Variants in SHMT2 observed in about 807,000 individuals in gnomAD.
SHMT2 encodes serine hydroxymethyltransferase, mitochondrial.
Under a neutral mutation model 59.6 loss-of-function variants are expected in SHMT2, and 38 were observed. The ratio of observed to expected loss-of-function variants is 0.64; its 90% CI spans 0.49 to 0.84. The LOEUF (loss-of-function observed/expected upper bound fraction) is 0.84, where lower values mean the gene tolerates loss of function less well. Among genes scored for constraint, SHMT2 ranks in the 40% least tolerant of loss-of-function variants. The pLI is 0.00. For missense variants in SHMT2, 533 were observed against 659.5 expected (o/e 0.81, Z 2.10); for synonymous variants, 254 against 258.1 (o/e 0.98, Z 0.15).
intron 1 of SHMT2, chr12:57,230,128 C>T (rs777797033): frequency 1.2e-5 from 16 of 1,327,592 alleles, no homozygotes; most frequent in South Asian, 1.5e-5. Context: ...TCGGCCTGGT[C>T]TCACAAGCTG....
rs562939107 is a variant in SHMT2 at position 57,232,588 on chromosome 12, G to T, written c.717+13G>T. 4.5e-5 allele frequency: 72 copies of T among 1,614,076 alleles called. 2 individuals are homozygous for T. In the East Asian group the frequency reaches 7.4e-4, roughly 16 times the overall value. The stretch of plus-strand genomic sequence containing the variant: ...CCGCATGAGAGAGGTTGGTGGGGGG[G>T]GCTGGAGACTGGGCACCTCCCCAGG... On this transcript the variant is annotated intron_variant, in intron 6 of 11. Transcript: ENST00000328923.
rs1047665881 is a variant in SHMT2 at position 57,232,188 on chromosome 12, TCTTA to T, written c.513-19_513-16del. 6.2e-7 allele frequency: 1 copy of T among 1,611,150 alleles called. No individual in the cohort carries two copies. The highest frequency in any genetic ancestry group is 1.7e-5 in the Admixed American group (1 of 59,990). On this transcript the variant is annotated intron_variant, in intron 4 of 11. Coordinates refer to ENST00000328923, the MANE Select transcript of SHMT2 (RefSeq NM_005412.6). The stretch of plus-strand genomic sequence containing the variant: ...TCCGGGGGTCCTTCCACCCAGGCCT[TCTTA>T]CTTCCTCTCACTTCGCAGTCTCACC...
At chr12:57,230,081 GC>G in intron 1 of SHMT2, 1 of 1,379,044 alleles carries the variant, frequency 7.3e-7, no homozygotes, top group Non-Finnish European at 9.4e-7. Context: ...AGCCCCGGAT[GC>G]CCCGCGGACC....
intron 6 of SHMT2, 54 bp downstream of exon 6, chr12:57,232,629 G>T: frequency 6.2e-7 from 1 of 1,612,662 alleles, no homozygotes; most frequent in South Asian, 1.1e-5. Context: ...GTGAGGAGGT[G>T]TGGGAGGAGG....
At chr12:57,232,125 G>A in intron 4 of SHMT2, 86 bp from the exon 5 acceptor site, 2 of 1,295,824 alleles carry the variant, frequency 1.5e-6, no homozygotes, top group African/African-American at 2.9e-5. Context: ...CTGGTGTTCT[G>A]GGGACAGAGA....
In SHMT2 at chr12:57,233,917, G is replaced by T. The variant is rs2037440310; in HGVS notation, c.1279+13G>T. ...GGCCTGCGGCTTGGTGAGACCTGGG[G>T]TTTGAGGAGGGAAGGGGCTCCCATG... On this transcript the variant is annotated intron_variant, in intron 10 of 11. Coordinates refer to ENST00000328923, the MANE Select transcript of SHMT2 (RefSeq NM_005412.6). 6.2e-7 allele frequency: 1 copy of T among 1,614,114 alleles called. No individual in the cohort carries two copies. The highest frequency in any genetic ancestry group is 1.7e-5 in the Admixed American group (1 of 60,010).
chr12:57,233,188 T>C lies in SHMT2; in HGVS notation c.866T>C (p.Leu289Pro). Residue 289 changes from leucine to proline, a missense_variant, in exon 8 of 12, where the codon CTC becomes CCC. Coordinates refer to ENST00000328923, the MANE Select transcript of SHMT2 (RefSeq NM_005412.6). The stretch of plus-strand genomic sequence containing the variant: ...ATCCACCTCTCACACAGGTCAGGGC[T>C]CATCTTCTACCGGAAAGGGGTGAAG... Reference protein sequence around the residue: ...HKTLRGARSGLIFYRKGVKAV... With the variant: ...HKTLRGARSGPIFYRKGVKAV... 4 of 1,563,710 alleles carry C rather than the reference T, an allele frequency of 2.6e-6. No homozygotes were observed. The highest frequency in any genetic ancestry group is 3.5e-6 in the Non-Finnish European group (4 of 1,153,020).
chr12:57,230,244 G>T (rs1021306613), intron 1 of SHMT2: 2 of 1,222,494 alleles, frequency 1.6e-6, no homozygotes, highest in Non-Finnish European at 2.1e-6. Flanking sequence ...AGGTGGAACG[G>T]GTAGGGGGCT....
At position 57,233,313 on chromosome 12, in the gene SHMT2, G is replaced by A; in HGVS notation, c.991G>A (p.Ala331Thr). 1.9e-6 allele frequency: 3 copies of A among 1,600,214 alleles called. No individual in the cohort carries two copies. The highest frequency in any genetic ancestry group is 2.6e-6 in the Non-Finnish European group (3 of 1,174,154). ...CCTGCAGGGGGGCCCCCACAATCAT[G>A]CCATTGCTGCAGTAGCTGTGGCCCT... ...PSLQGGPHNH[A>T]IAAVAVALKQ... is the part of the protein sequence containing the mutation. Residue 331 changes from alanine (A) to threonine (T), a missense_variant, in exon 8 of 12, where the codon GCC (alanine) becomes ACC (threonine). Coordinates refer to ENST00000328923, the MANE Select transcript of SHMT2 (RefSeq NM_005412.6).
chr12:57,233,405 C>T (rs1041212357), intron 8 of SHMT2, 60 bp downstream of exon 8: 37 of 1,533,004 alleles, frequency 2.4e-5, no homozygotes, highest in Middle Eastern at 1.8e-4. Flanking sequence ...TTAGACCCTG[C>T]ACCTTGCTAA....
rs776980855 is a variant in SHMT2 at position 57,233,999 on chromosome 12, C to T, written c.1280-4C>T. 1.9e-6 allele frequency: 3 copies of T among 1,614,168 alleles called. No individual in the cohort carries two copies. In the South Asian group the frequency reaches 3.3e-5, roughly 18 times the overall value. ...CTCATCCCTCCCCTTGTGCCTCGTT[C>T]CAGGGGCCCCAGCCTTAACTTCTCG... is the stretch of plus-strand genomic sequence containing the variant. On this transcript the variant is annotated splice_region_variant and splice_polypyrimidine_tract_variant and intron_variant, in intron 10 of 11. Coordinates refer to ENST00000328923, the MANE Select transcript of SHMT2 (RefSeq NM_005412.6).
chr12:57,233,387 C>T (rs1461729864), intron 8 of SHMT2, 42 bp downstream of exon 8: 11 of 1,555,710 alleles, frequency 7.1e-6, no homozygotes, highest in Non-Finnish European at 9.6e-6. Flanking sequence ...GGGCAATGGC[C>T]TGGAGGCTTA....
intron 2 of SHMT2, 147 bp downstream of exon 2, chr12:57,231,147 A>C (rs2037300201): frequency 6.3e-6 from 5 of 791,932 alleles, no homozygotes; most frequent in Admixed American, 2.5e-5. Flanking sequence ...CCCTCAAGCA[A>C]AGGCAGTGCA....
In SHMT2 at chr12:57,232,492, A is replaced by G; in HGVS notation, c.634A>G (p.Thr212Ala). The change falls in exon 6 of 12, where the codon ACT (threonine) becomes GCT (alanine). Residue 212 changes from threonine (T) to alanine (A), a missense_variant. By Grantham distance (58) the Thr-to-Ala change is moderately conservative. Transcript: ENST00000328923. ...GLIDYNQLALTARLFRPRLII... is the reference protein window; with the variant it reads ...GLIDYNQLALAARLFRPRLII... ...CATTGACTACAACCAGCTGGCACTG[A>G]CTGCTCGACTTTTCCGGCCACGGCT... 1 of 1,614,106 alleles carries G rather than the reference A, an allele frequency of 6.2e-7. No homozygotes were observed. Among genetic ancestry groups the G allele is most frequent in the Non-Finnish European group, 8.5e-7 (1 of 1,180,010 alleles).
chr12:57,234,174 G>C (rs1462945519), intron 11 of SHMT2, 60 bp from the exon 12 acceptor site: 1 of 1,613,694 alleles, frequency 6.2e-7, no homozygotes, highest in Non-Finnish European at 8.5e-7. Context: ...CCCTCCCCCA[G>C]CTGATCTCAC....
At chr12:57,231,035 C>CCATGGGTA in intron 2 of SHMT2, 35 bp downstream of exon 2, 2 of 1,596,354 alleles carry the variant, frequency 1.3e-6, no homozygotes, top group Non-Finnish European at 1.7e-6. Context: ...GGTTGGGCCA[C>CCATGGGTA]CATGGGTACA....
rs746120843 is a variant in SHMT2, at chr12:57,231,756, T to G, written c.355T>G (p.Cys119Gly). ...AEVVDEIELL[C>G]QRRALEAFDL... ...GGTGGTGGATGAAATTGAGCTGCTG[T>G]GCCAGCGCCGGGCCTTGGAAGCCTT... is the stretch of plus-strand genomic sequence containing the variant. The change falls in exon 4 of 12, where the codon TGC (cysteine) becomes GGC (glycine). Residue 119 changes from cysteine to glycine, a missense_variant. Physicochemically the swap from Cys to Gly is radical, Grantham distance 159. Coordinates refer to ENST00000328923, the MANE Select transcript of SHMT2 (RefSeq NM_005412.6). 21 of 1,614,096 alleles carry G rather than the reference T, an allele frequency of 1.3e-5. No individual in the cohort carries two copies. Among genetic ancestry groups the G allele is most frequent in the African/African-American group, 2.7e-5 (2 of 74,934 alleles).
rs1348721259 is a variant in SHMT2 at position 57,233,864 on chromosome 12, T to A, written c.1239T>A (p.Pro413=). ...VSITANKNTC[P]GDRSAITPGG... ...TCACTGCCAACAAGAACACCTGTCC[T>A]GGAGACCGAAGTGCCATCACACCGG... The change falls in exon 10 of 12, where the codon CCT becomes CCA. Residue 413 remains proline, a synonymous_variant. Coordinates refer to ENST00000328923, the MANE Select transcript of SHMT2 (RefSeq NM_005412.6). The A allele has an allele frequency of 6.2e-7, 1 of 1,614,098 alleles. No individual in the cohort carries two copies. Among genetic ancestry groups the A allele is most frequent in the South Asian group, 1.1e-5 (1 of 91,090 alleles).
rs1214306941 is a variant in SHMT2, at chr12:57,232,509, G to A, written c.651G>A (p.Arg217=). Residue 217 remains arginine (R), a synonymous_variant, in exon 6 of 12, where the codon CGG becomes CGA. Coordinates refer to ENST00000328923, the MANE Select transcript of SHMT2 (RefSeq NM_005412.6). The part of the protein sequence containing the change: ...NQLALTARLF[R]PRLIIAGTSA... ...TGGCACTGACTGCTCGACTTTTCCGGCCACGGCTCATCATAGCTGGCACCA... is the reference window on the plus strand; with the variant it reads ...TGGCACTGACTGCTCGACTTTTCCGACCACGGCTCATCATAGCTGGCACCA... 6 of 1,614,108 alleles carry A rather than the reference G, an allele frequency of 3.7e-6. No homozygotes were observed. The highest frequency in any genetic ancestry group is 1.3e-5 in the African/African-American group (1 of 74,932).
Sources: gnomAD v4.1 joint callset for allele counts on GRCh38, gnomAD v4.1.1 for gene constraint, MANE v1.5 for transcripts, NCBI Gene and HGNC (gene_info 2026-07-23, HGNC 2026-07-21) for gene names.